Variants in ADGRG1 observed in about 807,000 individuals in gnomAD.
ADGRG1 encodes the protein adhesion G protein-coupled receptor G1, also known as 7-transmembrane protein with no EGF-like N-terminal domains-1.
In ADGRG1, 53 loss-of-function variants were observed where a neutral mutation model predicts 73.5. That is an observed-to-expected ratio of 0.72 (90% CI 0.58 to 0.91). The LOEUF is 0.91. Among genes scored for constraint, ADGRG1 ranks in the 40% least tolerant of loss-of-function variants. ADGRG1 has a pLI of 0.00. For missense variants in ADGRG1, 795 were observed against 871.8 expected, an observed-to-expected ratio of 0.91 and a Z score of 1.11; for synonymous variants, 394 against 374.4, an observed-to-expected ratio of 1.05 and a Z score of -0.60.
Position 57,651,342 on chromosome 16 carries a change from C to T in ADGRG1, c.207C>T (p.Ala69=). 9.3e-6 allele frequency: 15 copies of T among 1,614,222 alleles called. No individual in the cohort carries two copies. Among genetic ancestry groups the T allele is most frequent in the Non-Finnish European group, 1.2e-5 (14 of 1,180,034 alleles). ...CCGAAGAGGCCCTCACAGTCCATGC[C>T]CCTTTCCCTGCAGCCCACCCTGCTT... ...ENSEEALTVH[A]PFPAAHPASR... The change falls in exon 3 of 14, where the codon GCC becomes GCT. Residue 69 remains alanine, a synonymous_variant. Coordinates refer to ENST00000562631, the MANE Select transcript of ADGRG1 (RefSeq NM_201525.4).
intron 13 of ADGRG1, among the ~76,000 whole-genome samples, chr16:57,662,396 T>G (rs575814474): frequency 7.0e-6 from 1 of 142,440 alleles, no homozygotes; most frequent in African/African-American, 2.5e-5. Context: ...AAGAGAAGGA[T>G]CCCCCCATGG....
At chr16:57,630,036 G>A (rs1332171969) in intron 1 of ADGRG1, 1 of 983,046 alleles carries the variant, frequency 1.0e-6, no homozygotes, top group Admixed American at 6.1e-5. Context: ...TGCTCCTTCA[G>A]TGGACCAAGA....
chr16:57,663,934 G>T lies in ADGRG1; in HGVS notation c.*352G>T, dbSNP rs1474087024. Reference sequence around the variant, plus strand: ...TGGGGGCCAGGCCTTGGATCTTGAGGGTCTGGCACATCCTTAATCCTGTGC... The same window carrying T: ...TGGGGGCCAGGCCTTGGATCTTGAGTGTCTGGCACATCCTTAATCCTGTGC... On this transcript the variant is annotated 3_prime_UTR_variant, in exon 14 of 14. Transcript: ENST00000562631. 12 of 391,238 alleles carry T rather than the reference G, an allele frequency of 3.1e-5. 1 individual carries two copies. The highest frequency in any genetic ancestry group is 2.4e-4 in the South Asian group (10 of 41,232). 24.2% of individuals were successfully genotyped at this position (391,238 alleles called of 1,614,324 possible).
In ADGRG1 at chr16:57,663,441, A is replaced by C. The variant is rs1224587731; in HGVS notation, c.1934-11A>C. 2 of 1,613,834 alleles carry C rather than the reference A, an allele frequency of 1.2e-6. No homozygotes were observed. Among genetic ancestry groups the C allele is most frequent in the Admixed American group, 1.7e-5 (1 of 60,020 alleles). On this transcript the variant is annotated splice_polypyrimidine_tract_variant and intron_variant, in intron 13 of 13. Coordinates refer to ENST00000562631, the MANE Select transcript of ADGRG1 (RefSeq NM_201525.4). ...CCCCACCTGCTGACCCCGTGCCCTCACTGCCCGCAGGCTTCCTCATCTTCA... is the reference window on the plus strand; with the variant it reads ...CCCCACCTGCTGACCCCGTGCCCTCCCTGCCCGCAGGCTTCCTCATCTTCA...
At position 57,647,544 on chromosome 16, in the gene ADGRG1, C is replaced by G. The variant is rs149134996; in HGVS notation, c.-35-2709C>G. On this transcript the variant is annotated intron_variant, in intron 1 of 13. Coordinates refer to ENST00000562631, the MANE Select transcript of ADGRG1 (RefSeq NM_201525.4). ...AATGACCTTTGAGTGAGGTTGACTT[C>G]TTTATTCTTCTTTACTAGTGAGGAA... The G allele has an allele frequency of 2.3e-4, 141 of 600,306 alleles. No individual in the cohort carries two copies. In the African/African-American group the frequency reaches 2.5e-3, roughly 11 times the overall value. The allele number at this position is 600,306 out of a possible 1,614,324, so 37.2% of individuals were successfully genotyped here.
At chr16:57,637,184 C>A (rs1283906579) in intron 1 of ADGRG1, 3 of 339,504 alleles carry the variant, frequency 8.8e-6, no homozygotes, top group African/African-American at 2.2e-5. Context: ...AGCAGTCCTG[C>A]TGCTCCCTGA....
In ADGRG1 at chr16:57,628,766, C is replaced by T. The variant is rs905717704; in HGVS notation, c.-72C>T. 85 of 985,418 alleles carry T rather than the reference C, an allele frequency of 8.6e-5. No homozygotes were observed. Among genetic ancestry groups the T allele is most frequent in the South Asian group, 1.4e-4 (3 of 21,310 alleles). The allele number at this position is 985,418 out of a possible 1,614,324, so 61.0% of individuals were successfully genotyped here. ...GGTGGATCCTGAAAGGTGGTCCAGC[C>T]GCCTGGCCCTGCGTGGGACCCTCCA... is the stretch of plus-strand genomic sequence containing the variant. On this transcript the variant is annotated 5_prime_UTR_variant, in exon 1 of 14. Coordinates refer to ENST00000562631, the MANE Select transcript of ADGRG1 (RefSeq NM_201525.4).
intron 1 of ADGRG1, chr16:57,633,530 C>T (rs1305994046): frequency 2.5e-5 from 25 of 984,978 alleles, no homozygotes; most frequent in Non-Finnish European, 2.8e-5. Context: ...AGAGGCAGCA[C>T]GAGGTGGGCT....
intron 5 of ADGRG1, chr16:57,655,026 C>T (rs951978435): frequency 1.4e-5 from 14 of 982,556 alleles, no homozygotes; most frequent in African/African-American, 5.3e-5. Context: ...AGCCACACAC[C>T]CCATCTTGAG....
intron 1 of ADGRG1, chr16:57,640,942 G>A (rs2040670733): frequency 2.0e-6 from 2 of 985,630 alleles, no homozygotes; most frequent in Non-Finnish European, 2.4e-6. Flanking sequence ...TGGGAACACA[G>A]ATAGGGAAGG....
At chr16:57,635,705 T>G in intron 1 of ADGRG1, 1 of 985,218 alleles carries the variant, frequency 1.0e-6, no homozygotes, top group African/African-American at 1.7e-5. Context: ...TCCCTTTCCC[T>G]CTCTATGGAG....
rs550563976 is a variant in ADGRG1, at chr16:57,629,988, A to G, written c.-36+1186A>G. On this transcript the variant is annotated intron_variant, in intron 1 of 13. Transcript: ENST00000562631. ...ACCCCCACCAATGTGGAGCAGTTGTAGCCTGGGGTCCACGGGCTGTGTAGG... is the reference window on the plus strand; with the variant it reads ...ACCCCCACCAATGTGGAGCAGTTGTGGCCTGGGGTCCACGGGCTGTGTAGG... 12 of 985,166 alleles carry G rather than the reference A, an allele frequency of 1.2e-5. No homozygotes were observed. In the African/African-American group the frequency reaches 1.9e-4, roughly 16 times the overall value. 61.0% of individuals were successfully genotyped at this position (985,166 alleles called of 1,614,324 possible). A position where few individuals can be genotyped will look rare whatever the true frequency, so the allele number is the denominator to read the frequency against.
At chr16:57,649,413 T>G (rs904026028) in intron 1 of ADGRG1, among the ~76,000 whole-genome samples, 28 of 150,378 alleles carry the variant, frequency 1.9e-4, no homozygotes, top group Admixed American at 6.0e-4. Context: ...CTACTGGGGG[T>G]GGGGAGGGGC....
At chr16:57,637,456 G>A (rs116123063) in intron 1 of ADGRG1, 8 of 985,200 alleles carry the variant, frequency 8.1e-6, no homozygotes, top group African/African-American at 5.2e-5. Flanking sequence ...GGTGTGCCTC[G>A]TCTGTACCTC....
chr16:57,639,701 C>T (rs1326478489), intron 1 of ADGRG1: 1 of 974,848 alleles, frequency 1.0e-6, no homozygotes. Flanking sequence ...CTCCCCTCCT[C>T]CCCGTCCCTT....
chr16:57,623,537 A>G (rs111746598), upstream of ADGRG1, among the ~76,000 whole-genome samples: 1,151 of 152,290 alleles, frequency 7.6e-3, 12 homozygotes, highest in African/African-American at 0.026. Context: ...CTTGCATCCT[A>G]AGGCTGGTCC....
chr16:57,644,914 A>C (rs2042146550), intron 1 of ADGRG1: 1 of 169,650 alleles, frequency 5.9e-6, no homozygotes. Context: ...ATCACTTCAT[A>C]ACTCATGCAC....
At chr16:57,662,244 G>A (rs1207169574) in intron 13 of ADGRG1, among the ~76,000 whole-genome samples, 21 of 152,184 alleles carry the variant, frequency 1.4e-4, no homozygotes, top group African/African-American at 5.1e-4. Context: ...GCATGAGCAG[G>A]CAAGCATATA....
At chr16:57,627,697 A>G, upstream of ADGRG1, 1 of 664,404 alleles carries the variant, frequency 1.5e-6, no homozygotes, top group East Asian at 1.4e-4. Flanking sequence ...GCCTCCCAGC[A>G]CATCTGACTG....
Sources: gnomAD v4.1 joint callset for allele counts (sites outside exome capture counted in the v4.1 genomes callset) on GRCh38, gnomAD v4.1.1 for gene constraint, MANE v1.5 for transcripts, NCBI Gene and HGNC (gene_info 2026-07-23, HGNC 2026-07-21) for gene names.